The following TNRC6C variants were observed in gnomAD, a reference collection of about 807,000 sequenced individuals.
TNRC6C encodes the protein trinucleotide repeat-containing gene 6C protein.
Under a neutral mutation model 153.7 loss-of-function variants are expected in TNRC6C, and 20 were observed. That is an observed-to-expected ratio of 0.13 (90% CI 0.09 to 0.19). The LOEUF (loss-of-function observed/expected upper bound fraction) is 0.19. Among genes scored for constraint, TNRC6C ranks in the 10% least tolerant of loss-of-function variants. The pLI is 1.00. For missense variants in TNRC6C, 1,987 were observed against 2,172.0 expected (o/e 0.91, Z 1.69); for synonymous variants, 811 against 841.4 (o/e 0.96, Z 0.63).
chr17:78,032,424 T>A (rs2072094681), intron 2 of TNRC6C, among the ~76,000 whole-genome samples: 1 of 152,240 alleles, frequency 6.6e-6, no homozygotes, highest in South Asian at 2.1e-4. Flanking sequence ...AATGCAGATG[T>A]CTCTCATTTC....
intron 1 of TNRC6C, among the ~76,000 whole-genome samples, chr17:77,967,774 G>A (rs2070909619): frequency 6.6e-6 from 1 of 152,208 alleles, no homozygotes; most frequent in African/African-American, 2.4e-5. Flanking sequence ...ATGGTCTTTA[G>A]ATACTAGCCC....
chr17:78,050,098 C>T, exon 3 of TNRC6C: 2 of 1,608,798 alleles, frequency 1.2e-6, no homozygotes, highest in South Asian at 1.1e-5. Flanking sequence ...ATGGGGAAAG[C>T]CCCCAAACCA....
At chr17:78,054,695 T>C (rs4789525) in intron 3 of TNRC6C, among the ~76,000 whole-genome samples, 35,823 of 151,596 alleles carry the variant, frequency 0.24, 4,474 homozygotes, top group African/African-American at 0.3. Context: ...CAGACTACTG[T>C]AGACTACTAT....
At chr17:78,062,542 T>C (rs1451002862) in intron 3 of TNRC6C, among the ~76,000 whole-genome samples, 1 of 152,252 alleles carries the variant, frequency 6.6e-6, no homozygotes, top group African/African-American at 2.4e-5. Context: ...AAAATATTTA[T>C]ATTTCTGTCT....
rs1321252549 is a variant in TNRC6C at position 78,102,564 on chromosome 17, C to T, written c.4572+20C>T. The T allele has an allele frequency of 2.5e-6, 4 of 1,584,714 alleles. No individual in the cohort carries two copies. Among genetic ancestry groups the T allele is most frequent in the Non-Finnish European group, 3.4e-6 (4 of 1,165,062 alleles). ...CCCCAGGTGCAATATGGTGCCCCTGCATCACTGAGCATGATCCAGGGAGGG... is the reference window on the plus strand; with the variant it reads ...CCCCAGGTGCAATATGGTGCCCCTGTATCACTGAGCATGATCCAGGGAGGG... On this transcript the variant is annotated intron_variant, in intron 18 of 19. Transcript: ENST00000301624.
intron 1 of TNRC6C, among the ~76,000 whole-genome samples, chr17:78,016,305 C>T (rs958089472): frequency 1.3e-5 from 2 of 152,216 alleles, no homozygotes; most frequent in African/African-American, 2.4e-5. Flanking sequence ...ACTGTGCTTA[C>T]AGGCACCCAC....
At chr17:77,985,603 A>AAAAAAAAAAAAAAAAAC (rs1321535708) in intron 1 of TNRC6C, among the ~76,000 whole-genome samples, 1 of 147,600 alleles carries the variant, frequency 6.8e-6, no homozygotes, top group African/African-American at 2.5e-5. Flanking sequence ...CTCCGTCTCA[A>AAAAAAAAAAAAAAAAAC]AAAAAAAAAA....
intron 1 of TNRC6C, among the ~76,000 whole-genome samples, chr17:77,963,205 C>A (rs1205375787): frequency 6.6e-6 from 1 of 152,166 alleles, no homozygotes; most frequent in Non-Finnish European, 1.5e-5. Flanking sequence ...GTAAAGGTTA[C>A]TTGTCAGAAA....
At chr17:78,087,643 A>G (rs2073320989) in intron 13 of TNRC6C, among the ~76,000 whole-genome samples, 1 of 152,236 alleles carries the variant, frequency 6.6e-6, no homozygotes, top group Admixed American at 6.5e-5. Context: ...AGAAGACTTT[A>G]TAATGGTTTG....
chr17:78,084,615 C>A (rs1048988994), intron 11 of TNRC6C, among the ~76,000 whole-genome samples: 25 of 139,876 alleles, frequency 1.8e-4, no homozygotes, highest in African/African-American at 6.1e-4. Flanking sequence ...TTTTCTTTTT[C>A]TTTTTCTTTT....
chr17:77,996,345 A>G (rs939759690), intron 1 of TNRC6C, among the ~76,000 whole-genome samples: 8 of 152,188 alleles, frequency 5.3e-5, no homozygotes, highest in Admixed American at 5.2e-4. Context: ...ATTTGGAAGG[A>G]AGTGAGGTAG....
At chr17:78,072,201 G>T (rs1443622723) in intron 6 of TNRC6C, among the ~76,000 whole-genome samples, 1 of 152,228 alleles carries the variant, frequency 6.6e-6, no homozygotes, top group Non-Finnish European at 1.5e-5. Flanking sequence ...GTGTGAGTGG[G>T]CAAGAGGTTG....
chr17:78,004,388 A>G (rs2071460729), upstream of TNRC6C: 1 of 1,122,600 alleles, frequency 8.9e-7, no homozygotes, highest in Non-Finnish European at 1.1e-6. Context: ...TGCCAAGTCT[A>G]TAATTAGCGA....
exon 4 of TNRC6C, chr17:78,064,888 A>G (rs376191745): frequency 1.2e-6 from 2 of 1,612,298 alleles, no homozygotes; most frequent in African/African-American, 2.7e-5. Flanking sequence ...CGCCGGTGGC[A>G]TTTGGAAGAG....
chr17:78,043,385 G>A (rs113682865), intron 2 of TNRC6C, among the ~76,000 whole-genome samples: 4,004 of 152,240 alleles, frequency 0.026, 185 homozygotes, highest in African/African-American at 0.092. Context: ...AAGTAAAATA[G>A]CATTGTTCCA....
At chr17:78,086,622 A>C in intron 12 of TNRC6C, 36 bp downstream of exon 14, 1 of 1,601,088 alleles carries the variant, frequency 6.2e-7, no homozygotes, top group Non-Finnish European at 8.6e-7. Flanking sequence ...GTCATGAGCT[A>C]TAATTTTCCC....
chr17:78,017,410 G>A (rs1005301758), intron 1 of TNRC6C, among the ~76,000 whole-genome samples: 2 of 152,224 alleles, frequency 1.3e-5, no homozygotes, highest in African/African-American at 4.8e-5. Flanking sequence ...CTCAGGTGGC[G>A]GAGCTGAACA....
intron 1 of TNRC6C, among the ~76,000 whole-genome samples, chr17:78,021,570 T>A (rs568374473): frequency 1.1e-4 from 16 of 152,242 alleles, no homozygotes; most frequent in African/African-American, 3.9e-4. Flanking sequence ...TTATTTATTT[T>A]TTTATTTTTA....
At chr17:78,061,600 A>C (rs953119138) in intron 3 of TNRC6C, among the ~76,000 whole-genome samples, 1 of 152,226 alleles carries the variant, frequency 6.6e-6, no homozygotes, top group East Asian at 1.9e-4. Flanking sequence ...GCTTGAATCT[A>C]GGAGTTCGAG....
Sources: gnomAD v4.1 joint callset for allele counts (sites outside exome capture counted in the v4.1 genomes callset) on GRCh38, gnomAD v4.1.1 for gene constraint, MANE v1.5 for transcripts, NCBI Gene and HGNC (gene_info 2026-07-23, HGNC 2026-07-21) for gene names.